Variants in GOLGA8B observed in about 807,000 individuals in gnomAD.
GOLGA8B encodes golgin subfamily A member 8B.
In GOLGA8B, 1 loss-of-function variant was observed where a neutral mutation model predicts 15.6. That is an observed-to-expected ratio of 0.06 (90% CI 0.02 to 0.30). GOLGA8B has a LOEUF of 0.30. GOLGA8B is among the 10% of genes least tolerant of loss of function. The pLI is 1.00. For synonymous variants in GOLGA8B, 9 were observed against 80.3 expected (o/e 0.11, Z 4.75); for missense variants, 17 against 201.3 (o/e 0.08, Z 5.54).
chr15:34,564,582 C>G (rs1888708106), intron 1 of GOLGA8B, among the ~76,000 whole-genome samples: 1 of 146,516 alleles, frequency 6.8e-6, no homozygotes, highest in South Asian at 2.1e-4. Context: ...GGCTCTGAAG[C>G]TTTGCATTTA....
At chr15:34,578,641 G>A (rs1889146188) in intron 1 of GOLGA8B, among the ~76,000 whole-genome samples, 1 of 152,162 alleles carries the variant, frequency 6.6e-6, no homozygotes, top group African/African-American at 2.4e-5. Context: ...GGATTTGTAG[G>A]GAAATTATTT....
chr15:34,563,070 T>C (rs1247215157), intron 1 of GOLGA8B, among the ~76,000 whole-genome samples: 5 of 77,150 alleles, frequency 6.5e-5, no homozygotes, highest in African/African-American at 1.6e-4. Context: ...AGTTTGGGAG[T>C]TCTTTCTGGC....
At chr15:34,573,021 A>T (rs74859454) in intron 1 of GOLGA8B, among the ~76,000 whole-genome samples, 2 of 152,174 alleles carry the variant, frequency 1.3e-5, no homozygotes, top group South Asian at 4.2e-4. Context: ...AGACCGAGGC[A>T]GGAGGATTGC....
chr15:34,569,226 G>A (rs200001807), intron 1 of GOLGA8B, among the ~76,000 whole-genome samples: 10,836 of 137,210 alleles, frequency 0.079, 24 homozygotes, highest in South Asian at 0.2. Flanking sequence ...GAGGAACTGC[G>A]TCTGAATGAA....
chr15:34,574,280 A>G (rs1000778443), intron 1 of GOLGA8B, among the ~76,000 whole-genome samples: 1 of 150,952 alleles, frequency 6.6e-6, no homozygotes, highest in African/African-American at 2.4e-5. Flanking sequence ...CATCAAGTAG[A>G]GCTTTCTCTC....
At chr15:34,563,547 G>C (rs1308952096) in intron 1 of GOLGA8B, among the ~76,000 whole-genome samples, 11 of 148,938 alleles carry the variant, frequency 7.4e-5, no homozygotes, top group African/African-American at 2.7e-4. Context: ...CTCTTCTCTT[G>C]GTAACCCCAT....
chr15:34,570,238 A>C (rs1445758609), intron 1 of GOLGA8B, among the ~76,000 whole-genome samples: 1 of 149,662 alleles, frequency 6.7e-6, no homozygotes, highest in Non-Finnish European at 1.5e-5. Context: ...GCACCTGAGG[A>C]GACCCTCTGA....
chr15:34,581,891 G>C lies in GOLGA8B; in HGVS notation c.-1123+1625C>G, dbSNP rs74196647. Among the ~76,000 whole-genome samples the C allele has an allele frequency of 2.0e-5, 3 of 152,166 alleles. 1 individual carries two copies. Among genetic ancestry groups the C allele is most frequent in the Admixed American group, 2.0e-4 (3 of 15,286 alleles). On this transcript the variant is annotated intron_variant, in intron 1 of 23. Coordinates refer to ENST00000683415, the MANE Select transcript of GOLGA8B (RefSeq NM_001023567.5). ...CCATCACCCAGTCCCAGCCCAGCCAGGGAGCCCACTCCAAGGGCCCCCCAA... is the reference window on the plus strand; with the variant it reads ...CCATCACCCAGTCCCAGCCCAGCCACGGAGCCCACTCCAAGGGCCCCCCAA...
chr15:34,573,960 C>G (rs1009605894), intron 1 of GOLGA8B, among the ~76,000 whole-genome samples: 3 of 151,612 alleles, frequency 2.0e-5, no homozygotes, highest in Admixed American at 6.6e-5. Flanking sequence ...ACCAGCAAAA[C>G]AAGACATGTT....
chr15:34,564,079 A>G (rs1888691463), intron 1 of GOLGA8B, among the ~76,000 whole-genome samples: 1 of 140,348 alleles, frequency 7.1e-6, no homozygotes, highest in Non-Finnish European at 1.6e-5. Context: ...GTCTGGAAAT[A>G]ATCTGGAGAC....
rs1181531699 is a variant in GOLGA8B at position 34,526,988 on chromosome 15, C to T, written c.*644G>A. 1 of 162,616 alleles carries T rather than the reference C, an allele frequency of 6.1e-6. No individual in the cohort carries two copies. The highest frequency in any genetic ancestry group is 6.2e-5 in the Admixed American group (1 of 16,196). 10.1% of individuals were successfully genotyped at this position (162,616 alleles called of 1,614,324 possible). On this transcript the variant is annotated 3_prime_UTR_variant, in exon 24 of 24. Transcript: ENST00000683415. ...CATACCTGCCAGAGCAGGCCACTTT[C>T]CTCTTCTGCGAGATTTAGAAAGCTC...
chr15:34,579,601 G>T (rs1367774477), intron 1 of GOLGA8B, among the ~76,000 whole-genome samples: 1 of 152,212 alleles, frequency 6.6e-6, no homozygotes, highest in Non-Finnish European at 1.5e-5. Context: ...TCTGGCCTAT[G>T]TGAAACTGAC....
intron 1 of GOLGA8B, among the ~76,000 whole-genome samples, chr15:34,569,566 C>A (rs907993390): frequency 6.6e-6 from 1 of 151,776 alleles, no homozygotes; most frequent in Admixed American, 6.6e-5. Context: ...AGCATCAGTA[C>A]CTTCATGCAA....
intron 1 of GOLGA8B, among the ~76,000 whole-genome samples, chr15:34,578,192 C>CA (rs2140356591): frequency 6.6e-6 from 1 of 152,286 alleles, no homozygotes; most frequent in East Asian, 1.9e-4. Flanking sequence ...ATTCTAGGGA[C>CA]AAGAAGTGCT....
intron 1 of GOLGA8B, among the ~76,000 whole-genome samples, chr15:34,574,203 T>A (rs896580086): frequency 4.6e-5 from 7 of 152,196 alleles, no homozygotes; most frequent in African/African-American, 1.7e-4. Flanking sequence ...ATATTAGATG[T>A]CTGATTAAAA....
At chr15:34,572,789 T>C (rs1449254581) in intron 1 of GOLGA8B, among the ~76,000 whole-genome samples, 1 of 152,204 alleles carries the variant, frequency 6.6e-6, no homozygotes, top group Non-Finnish European at 1.5e-5. Flanking sequence ...CAGAAACAGA[T>C]ATTTAAAGGA....
intron 1 of GOLGA8B, among the ~76,000 whole-genome samples, chr15:34,570,215 A>G (rs138999067): frequency 6.6e-6 from 1 of 150,862 alleles, no homozygotes; most frequent in Non-Finnish European, 1.5e-5. Flanking sequence ...TGCCACCACC[A>G]CAGCCACTGA....
At chr15:34,575,072 G>T (rs1001680905) in intron 1 of GOLGA8B, among the ~76,000 whole-genome samples, 1 of 148,388 alleles carries the variant, frequency 6.7e-6, no homozygotes, top group Non-Finnish European at 1.5e-5. Context: ...TGGAGAACAG[G>T]GGCAATTTAA....
At chr15:34,543,021 C>G (rs1484969546) in intron 7 of GOLGA8B, among the ~76,000 whole-genome samples, 2 of 78,392 alleles carry the variant, frequency 2.6e-5, no homozygotes, top group African/African-American at 1.1e-4. Flanking sequence ...TCCCTCTCCC[C>G]GCCAACCCCA....
Sources: allele counts gnomAD v4.1 joint callset (sites outside exome capture counted in the v4.1 genomes callset), GRCh38; gene constraint gnomAD v4.1.1; transcripts MANE v1.5; gene names NCBI Gene and HGNC (gene_info 2026-07-23, HGNC 2026-07-21).